The following TSPAN18 variants were observed in gnomAD, a reference collection of about 807,000 sequenced individuals.
The protein encoded by TSPAN18 is tetraspanin-18.
In TSPAN18, 14 loss-of-function variants were observed where a neutral mutation model predicts 27.3. The observed-to-expected ratio is 0.51, with a 90% CI of 0.34 to 0.80. The LOEUF (loss-of-function observed/expected upper bound fraction) is 0.80, where lower values mean the gene tolerates loss of function less well. TSPAN18 is among the 30% of genes least tolerant of loss of function. The pLI, the probability that TSPAN18 is intolerant of heterozygous loss-of-function variation, is 0.01. For missense variants in TSPAN18, 268 were observed against 323.9 expected, an observed-to-expected ratio of 0.83 and a Z score of 1.32; for synonymous variants, 143 against 136.5, an observed-to-expected ratio of 1.05 and a Z score of -0.33.
intron 1 of TSPAN18, among the ~76,000 whole-genome samples, chr11:44,735,679 C>T (rs141648254): frequency 0.02 from 3,060 of 151,184 alleles, 95 homozygotes; most frequent in African/African-American, 0.07. Flanking sequence ...AGCGCAGTGG[C>T]GATCTCTGCT....
At chr11:44,855,349 T>C (rs1857707445) in intron 2 of TSPAN18, among the ~76,000 whole-genome samples, 1 of 152,202 alleles carries the variant, frequency 6.6e-6, no homozygotes, top group Admixed American at 6.5e-5. Flanking sequence ...CACAGCCAAC[T>C]CTAGCCTGTT....
chr11:44,779,647 C>G (rs1855891780), intron 2 of TSPAN18, among the ~76,000 whole-genome samples: 1 of 152,144 alleles, frequency 6.6e-6, no homozygotes, highest in Non-Finnish European at 1.5e-5. Context: ...CTTCCATGCA[C>G]ACAACTACCC....
intron 1 of TSPAN18, among the ~76,000 whole-genome samples, chr11:44,744,595 G>A (rs1260485266): frequency 6.6e-6 from 1 of 152,176 alleles, no homozygotes; most frequent in Non-Finnish European, 1.5e-5. Context: ...AAAAACCAGG[G>A]CAAAAAACCC....
At chr11:44,921,286 A>T (rs915526508) in intron 8 of TSPAN18, among the ~76,000 whole-genome samples, 6 of 152,138 alleles carry the variant, frequency 3.9e-5, no homozygotes, top group Admixed American at 6.5e-5. Context: ...CATGGCAGGC[A>T]GGGGTGGGCT....
rs181554634 is a variant in TSPAN18 at position 44,839,702 on chromosome 11, C to T, written c.-152-20626C>T. Among the ~76,000 whole-genome samples the T allele has an allele frequency of 7.2e-5, 11 of 152,216 alleles. No individual in the cohort carries two copies. The East Asian group carries it at 1.9e-3, about 27-fold the overall frequency. ...TGCTTCCTGGAGTTAAGACAGGCAC[C>T]ATCACTGAACTGAGCATGCAAGCGG... is the stretch of plus-strand genomic sequence containing the variant. On this transcript the variant is annotated intron_variant, in intron 2 of 9. Transcript: ENST00000520358.
intron 9 of TSPAN18, among the ~76,000 whole-genome samples, chr11:44,927,414 T>C (rs1163901757): frequency 6.6e-6 from 1 of 152,184 alleles, no homozygotes; most frequent in Non-Finnish European, 1.5e-5. Flanking sequence ...AGGGGCACTC[T>C]GGGGCCTCAG....
intron 1 of TSPAN18, among the ~76,000 whole-genome samples, chr11:44,738,896 G>A (rs1854862537): frequency 6.6e-6 from 1 of 152,154 alleles, no homozygotes; most frequent in African/African-American, 2.4e-5. Flanking sequence ...CTTGCCCAAG[G>A]TCACATAGCT....
chr11:44,739,642 A>T (rs1854882854), intron 1 of TSPAN18, among the ~76,000 whole-genome samples: 2 of 152,238 alleles, frequency 1.3e-5, no homozygotes, highest in Admixed American at 1.3e-4. Context: ...AAGAAAAGAA[A>T]GTAATCATGT....
At chr11:44,911,011 C>G (rs1051297758) in intron 5 of TSPAN18, among the ~76,000 whole-genome samples, 8 of 152,234 alleles carry the variant, frequency 5.3e-5, no homozygotes, top group African/African-American at 1.9e-4. Flanking sequence ...CTCGAGTCTC[C>G]TGGATTCCCA....
chr11:44,732,665 G>A (rs1177430795), intron 1 of TSPAN18, among the ~76,000 whole-genome samples: 2 of 152,204 alleles, frequency 1.3e-5, no homozygotes, highest in East Asian at 3.9e-4. Context: ...TTTGGGACAT[G>A]GCTGCTTATG....
chr11:44,924,354 C>T (rs1257152803), intron 8 of TSPAN18, among the ~76,000 whole-genome samples: 2 of 152,152 alleles, frequency 1.3e-5, no homozygotes, highest in Non-Finnish European at 2.9e-5. Flanking sequence ...CCCCATTGTA[C>T]AGATGGGGCA....
chr11:44,860,613 C>T (rs1358962305), intron 3 of TSPAN18, 144 bp downstream of exon 3: 1 of 152,216 alleles, frequency 6.6e-6, no homozygotes, highest in Non-Finnish European at 1.5e-5. Context: ...ACCAAAGGTC[C>T]GTGGGCAGGA....
chr11:44,848,745 G>C (rs1213997599), intron 2 of TSPAN18, among the ~76,000 whole-genome samples: 1 of 152,238 alleles, frequency 6.6e-6, no homozygotes, highest in Non-Finnish European at 1.5e-5. Context: ...CTGCCTCCTG[G>C]AGTCTGTGGT....
intron 2 of TSPAN18, among the ~76,000 whole-genome samples, chr11:44,836,447 A>T (rs1857265438): frequency 6.6e-6 from 1 of 152,220 alleles, no homozygotes; most frequent in Non-Finnish European, 1.5e-5. Context: ...CTGGTTCATG[A>T]GGTTTAAGGA....
intron 2 of TSPAN18, among the ~76,000 whole-genome samples, chr11:44,798,622 A>G (rs117086431): frequency 0.12 from 18,908 of 151,806 alleles, 1,549 homozygotes; most frequent in Non-Finnish European, 0.18. Flanking sequence ...GGCAGCCCTC[A>G]CCCCCTGCCC....
At chr11:44,812,997 C>T (rs1856750334) in intron 2 of TSPAN18, among the ~76,000 whole-genome samples, 1 of 152,242 alleles carries the variant, frequency 6.6e-6, no homozygotes, top group Admixed American at 6.5e-5. Context: ...GACACCAGGC[C>T]TGCTCTTTCT....
In TSPAN18 at chr11:44,929,212, C is replaced by T. The variant is rs746315646; in HGVS notation, c.*34C>T. On this transcript the variant is annotated 3_prime_UTR_variant, in exon 10 of 10. Coordinates refer to ENST00000520358, the MANE Select transcript of TSPAN18 (RefSeq NM_130783.5). ...GCCTGAAGCCTGAAGACTCGCCCCA[C>T]CCACCACTGCCCAGCACCCAGTGTC... The T allele has an allele frequency of 3.1e-6, 5 of 1,612,806 alleles. No homozygotes were observed. Among genetic ancestry groups the T allele is most frequent in the Middle Eastern group, 1.6e-4 (1 of 6,068 alleles).
At chr11:44,851,066 C>T (rs956757586) in intron 2 of TSPAN18, among the ~76,000 whole-genome samples, 1 of 152,224 alleles carries the variant, frequency 6.6e-6, no homozygotes, top group African/African-American at 2.4e-5. Flanking sequence ...TCTTGGTCAG[C>T]GTTATTAACC....
chr11:44,842,019 G>A (rs772719607), intron 2 of TSPAN18, among the ~76,000 whole-genome samples: 12 of 152,180 alleles, frequency 7.9e-5, no homozygotes, highest in African/African-American at 1.9e-4. Context: ...ATTGTGCAGC[G>A]GGGAAACTGA....
Sources: gnomAD v4.1 joint callset for allele counts (sites outside exome capture counted in the v4.1 genomes callset) on GRCh38, gnomAD v4.1.1 for gene constraint, MANE v1.5 for transcripts, NCBI Gene and HGNC (gene_info 2026-07-23, HGNC 2026-07-21) for gene names.